NAPEPLD: variants seen among roughly 807,000 people sequenced by gnomAD.
The protein encoded by NAPEPLD is N-acyl-phosphatidylethanolamine-hydrolyzing phospholipase D.
In NAPEPLD, 23 loss-of-function variants were observed where a neutral mutation model predicts 38.1. The observed-to-expected ratio is 0.60, with a 90% CI of 0.43 to 0.86. NAPEPLD has a LOEUF of 0.86. Among genes scored for constraint, NAPEPLD ranks in the 40% least tolerant of loss-of-function variants. The pLI is 0.00. For synonymous variants in NAPEPLD, 147 were observed against 162.0 expected (o/e 0.91, Z 0.71); for missense variants, 411 against 476.8 (o/e 0.86, Z 1.28).
chr7:103,123,558 A>G (rs993499821), intron 2 of NAPEPLD, among the ~76,000 whole-genome samples: 2 of 152,252 alleles, frequency 1.3e-5, no homozygotes, highest in South Asian at 2.1e-4. Context: ...GTACTTTAGC[A>G]TAACACAAAA....
At chr7:103,137,788 C>G (rs1221964406) in intron 1 of NAPEPLD, among the ~76,000 whole-genome samples, 1 of 138,558 alleles carries the variant, frequency 7.2e-6, no homozygotes, top group East Asian at 2.1e-4. Flanking sequence ...TGCACTCCAG[C>G]CTGGGTGACA....
chr7:103,103,498 G>A lies in NAPEPLD; in HGVS notation c.1113C>T (p.Asn371=), dbSNP rs564292614. 22 of 1,599,050 alleles carry A rather than the reference G, an allele frequency of 1.4e-5. No homozygotes were observed. The highest frequency in any genetic ancestry group is 1.2e-4 in the African/African-American group (9 of 74,036). ...GCTTCAAGACAAAAAAATCTTCAGC[G>A]TTAAGTCCGTATCTCTCTAGAGCTT... ...LNEALERYGL[N]AEDFFVLKHG... The change falls in exon 5 of 5, where the codon AAC becomes AAT. Residue 371 remains asparagine (N), a synonymous_variant. Coordinates refer to ENST00000465647, the MANE Select transcript of NAPEPLD (RefSeq NM_001122838.3).
At chr7:103,146,390 A>G (rs1015425567) in intron 1 of NAPEPLD, among the ~76,000 whole-genome samples, 1 of 152,192 alleles carries the variant, frequency 6.6e-6, no homozygotes, top group African/African-American at 2.4e-5. Context: ...GCTAGTGACA[A>G]TGAGAAAGCT....
intron 4 of NAPEPLD, among the ~76,000 whole-genome samples, chr7:103,105,830 G>A (rs1423706613): frequency 6.6e-6 from 1 of 151,396 alleles, no homozygotes; most frequent in Non-Finnish European, 1.5e-5. Flanking sequence ...CTACTTGGGA[G>A]GCTGAGGCAG....
In NAPEPLD at chr7:103,103,521, C is replaced by T. The variant is rs146593231; in HGVS notation, c.1090G>A (p.Ala364Thr). Residue 364 changes from alanine to threonine, a missense_variant, in exon 5 of 5, where the codon GCT becomes ACT. Physicochemically the swap from Ala to Thr is moderately conservative, Grantham distance 58. Coordinates refer to ENST00000465647, the MANE Select transcript of NAPEPLD (RefSeq NM_001122838.3). ...YLEPPVKLNE[A>T]LERYGLNAED... ...GCGTTAAGTCCGTATCTCTCTAGAG[C>T]TTCATTCAGCTTCACTGGAGGCTCT... The T allele has an allele frequency of 5.6e-6, 9 of 1,593,842 alleles. No homozygotes were observed. The highest frequency in any genetic ancestry group is 7.7e-6 in the Non-Finnish European group (9 of 1,174,890).
chr7:103,129,369 A>C (rs1477806073), intron 1 of NAPEPLD: 2 of 975,010 alleles, frequency 2.1e-6, no homozygotes, highest in African/African-American at 3.5e-5. Context: ...GCATGTAAGC[A>C]TATTAAATTT....
intron 1 of NAPEPLD, among the ~76,000 whole-genome samples, chr7:103,130,583 C>T (rs1434472469): frequency 1.3e-5 from 2 of 152,074 alleles, no homozygotes; most frequent in South Asian, 2.1e-4. Flanking sequence ...ACTGGCCATA[C>T]ATCTAAATTG....
At chr7:103,123,659 G>C (rs1265030984) in intron 2 of NAPEPLD, among the ~76,000 whole-genome samples, 1 of 152,180 alleles carries the variant, frequency 6.6e-6, no homozygotes, top group African/African-American at 2.4e-5. Context: ...CCACAACACT[G>C]GAAGTAGGTC....
At chr7:103,135,907 A>C (rs1809947858) in intron 1 of NAPEPLD, among the ~76,000 whole-genome samples, 1 of 152,126 alleles carries the variant, frequency 6.6e-6, no homozygotes, top group African/African-American at 2.4e-5. Context: ...TCTGTTCAAT[A>C]AAGATTGTAA....
At position 103,119,962 on chromosome 7, in the gene NAPEPLD, T is replaced by C; in HGVS notation, c.556A>G (p.Asn186Asp). ...TTGTAGTCCAGATGGTCATAGTGGT[T>C]GTGACTGATAAGGACCGCATCTATT... ...PPIDAVLISH[N>D]HYDHLDYNSV... is the part of the protein sequence containing the mutation. The change falls in exon 3 of 5, where the codon AAC (asparagine) becomes GAC (aspartate). Residue 186 changes from asparagine (N) to aspartate (D), a missense_variant. Coordinates refer to ENST00000465647, the MANE Select transcript of NAPEPLD (RefSeq NM_001122838.3). 6.2e-7 allele frequency: 1 copy of C among 1,612,660 alleles called. No homozygotes were observed. The highest frequency in any genetic ancestry group is 8.5e-7 in the Non-Finnish European group (1 of 1,178,586).
chr7:103,113,484 A>C (rs148400670), intron 4 of NAPEPLD, among the ~76,000 whole-genome samples: 85 of 152,234 alleles, frequency 5.6e-4, no homozygotes, highest in African/African-American at 1.9e-3. Flanking sequence ...GGAGTAACTA[A>C]AACTGCAAGA....
chr7:103,149,243 G>A (rs1482177312), upstream of NAPEPLD: 5 of 997,348 alleles, frequency 5.0e-6, no homozygotes, highest in Non-Finnish European at 4.8e-6. Flanking sequence ...CGCGCGGCCA[G>A]AGCGGCGGGG....
Position 103,102,741 on chromosome 7 carries a change from C to T in NAPEPLD, c.*688G>A, listed in dbSNP as rs1029195582. 6 of 152,260 alleles carry T rather than the reference C, an allele frequency of 3.9e-5. No individual in the cohort carries two copies. Among genetic ancestry groups the T allele is most frequent in the African/African-American group, 7.3e-5 (3 of 41,350 alleles). 9.4% of individuals were successfully genotyped at this position (152,260 alleles called of 1,614,324 possible). A position where few individuals can be genotyped will look rare whatever the true frequency, so the allele number is the denominator to read the frequency against. On this transcript the variant is annotated 3_prime_UTR_variant, in exon 5 of 5. Transcript: ENST00000465647. ...AATGGTGGTCATGGGTGCATTAATG[C>T]GAAAGAACTGTACACTTAAAAATGG... is the stretch of plus-strand genomic sequence containing the variant.
chr7:103,141,957 C>T (rs560904242), intron 1 of NAPEPLD: 7 of 816,164 alleles, frequency 8.6e-6, no homozygotes, highest in Admixed American at 5.4e-5. Context: ...GCCACAGCAG[C>T]GAAAGGAAAG....
intron 1 of NAPEPLD, among the ~76,000 whole-genome samples, chr7:103,147,488 G>A (rs1563377353): frequency 6.6e-6 from 1 of 152,138 alleles, no homozygotes; most frequent in Non-Finnish European, 1.5e-5. Flanking sequence ...CAAAGAAAAA[G>A]CAGAATGAAA....
intron 3 of NAPEPLD, among the ~76,000 whole-genome samples, chr7:103,119,168 T>G (rs576945337): frequency 6.6e-6 from 1 of 152,360 alleles, no homozygotes; most frequent in East Asian, 1.9e-4. Context: ...TAGTAATTCT[T>G]TAAACCTTGA....
rs1386724028 is a variant in NAPEPLD, at chr7:103,100,237, G to GTTT, written c.*3189_*3191dup. The GTTT allele has an allele frequency of 6.6e-6, 1 of 152,112 alleles. No individual in the cohort carries two copies. The highest frequency in any genetic ancestry group is 1.5e-5 in the Non-Finnish European group (1 of 68,026). The allele number at this position is 152,112 out of a possible 1,614,324, so 9.4% of individuals were successfully genotyped here. A position where few individuals can be genotyped will look rare whatever the true frequency, so the allele number is the denominator to read the frequency against. On this transcript the variant is annotated 3_prime_UTR_variant, in exon 5 of 5. Coordinates refer to ENST00000465647, the MANE Select transcript of NAPEPLD (RefSeq NM_001122838.3). ...CCAAAAGGCACATTTCTTTATAACG[G>GTTT]TTTTTTCAAATCTACCTCCCTATTT... is the stretch of plus-strand genomic sequence containing the variant.
intron 1 of NAPEPLD, among the ~76,000 whole-genome samples, chr7:103,144,515 A>T (rs1394908750): frequency 6.6e-6 from 1 of 152,174 alleles, no homozygotes; most frequent in Non-Finnish European, 1.5e-5. Flanking sequence ...TTAGTCACAT[A>T]AACAAAATAC....
rs1260055146 is a variant in NAPEPLD, at chr7:103,101,328, A to G, written c.*2101T>C. 1 of 152,192 alleles carries G rather than the reference A, an allele frequency of 6.6e-6. No homozygotes were observed. The highest frequency in any genetic ancestry group is 1.5e-5 in the Non-Finnish European group (1 of 68,026). The allele number at this position is 152,192 out of a possible 1,614,324, so 9.4% of individuals were successfully genotyped here. A position where few individuals can be genotyped will look rare whatever the true frequency, so the allele number is the denominator to read the frequency against. ...TCACATATGTTCGCATACATCATAT[A>G]CACACACATTGCATACACATTTCCC... On this transcript the variant is annotated 3_prime_UTR_variant, in exon 5 of 5. Transcript: ENST00000465647.
Sources: allele counts gnomAD v4.1 joint callset (sites outside exome capture counted in the v4.1 genomes callset), GRCh38; gene constraint gnomAD v4.1.1; transcripts MANE v1.5; gene names NCBI Gene and HGNC (gene_info 2026-07-23, HGNC 2026-07-21).